The following TMTC2 variants were observed in gnomAD, a reference collection of about 807,000 sequenced individuals.
The protein encoded by TMTC2 is transmembrane O-mannosyltransferase targeting cadherins 2.
TMTC2 carries 43 observed loss-of-function variants against 82.4 expected under a neutral mutation model. That is an observed-to-expected ratio of 0.52 (90% CI 0.41 to 0.67). The LOEUF is 0.67. Among genes scored for constraint, TMTC2 ranks in the 30% least tolerant of loss-of-function variants. TMTC2 has a pLI of 0.00. For synonymous variants in TMTC2, 408 were observed against 381.9 expected (o/e 1.07, Z -0.80); for missense variants, 919 against 1,012.4 (o/e 0.91, Z 1.25).
intron 2 of TMTC2, among the ~76,000 whole-genome samples, chr12:82,863,101 A>G (rs1871631868): frequency 1.3e-5 from 2 of 152,006 alleles, no homozygotes; most frequent in African/African-American, 4.8e-5. Context: ...ATCTGTTATC[A>G]TTTATGGCAT....
chr12:82,827,567 T>G (rs1168585728), intron 1 of TMTC2, among the ~76,000 whole-genome samples: 1 of 152,200 alleles, frequency 6.6e-6, no homozygotes, highest in African/African-American at 2.4e-5. Flanking sequence ...AGATCGAAGA[T>G]CTAGAGTTTT....
chr12:83,075,863 A>T (rs1472002690), intron 11 of TMTC2, among the ~76,000 whole-genome samples: 1 of 152,234 alleles, frequency 6.6e-6, no homozygotes, highest in Non-Finnish European at 1.5e-5. Flanking sequence ...ACAGGTTACA[A>T]GTCTAGCTTG....
At chr12:83,043,792 G>A (rs1376667209) in intron 9 of TMTC2, among the ~76,000 whole-genome samples, 2 of 152,116 alleles carry the variant, frequency 1.3e-5, no homozygotes, top group South Asian at 2.1e-4. Context: ...AATTTGGGGG[G>A]TATATTAACC....
At chr12:82,807,221 C>A (rs1461110137) in intron 1 of TMTC2, among the ~76,000 whole-genome samples, 3 of 151,976 alleles carry the variant, frequency 2.0e-5, no homozygotes, top group African/African-American at 7.2e-5. Flanking sequence ...AGGGATTTAC[C>A]CAGGGTTCCT....
intron 8 of TMTC2, among the ~76,000 whole-genome samples, chr12:82,995,100 T>C (rs777750242): frequency 6.6e-6 from 1 of 152,206 alleles, no homozygotes; most frequent in Non-Finnish European, 1.5e-5. Context: ...AACTTTTTAG[T>C]TTATGCTTTA....
At chr12:82,965,452 T>G (rs1279456599) in intron 5 of TMTC2, 108 bp from the exon 6 acceptor site, 2 of 1,228,336 alleles carry the variant, frequency 1.6e-6, no homozygotes, top group East Asian at 2.5e-5. Flanking sequence ...ATTTTTTTCT[T>G]TTTTAATGAG....
At chr12:82,699,543 T>C (rs1872972283) in intron 1 of TMTC2, among the ~76,000 whole-genome samples, 1 of 152,154 alleles carries the variant, frequency 6.6e-6, no homozygotes. Flanking sequence ...AGAGTAGTTC[T>C]GGCAGTGTGG....
At chr12:83,095,365 C>T (rs1343369150) in intron 11 of TMTC2, among the ~76,000 whole-genome samples, 2 of 151,850 alleles carry the variant, frequency 1.3e-5, no homozygotes, top group Admixed American at 6.6e-5. Flanking sequence ...CTCAGCCTCC[C>T]AAGTAGCTGG....
rs141250056 is a variant in TMTC2, at chr12:82,976,498, G to T, written c.1949-9427G>T. Among the ~76,000 whole-genome samples the T allele has an allele frequency of 2.9e-3, 445 of 151,992 alleles. 1 individual carries two copies. Among genetic ancestry groups the T allele is most frequent in the African/African-American group, 0.01 (424 of 41,468 alleles). Reference sequence around the variant, plus strand: ...TTTCCCCTTAAGTTTAATGCTATAGGACTTGAAGAGTTGTATATTGAATCT... The same window carrying T: ...TTTCCCCTTAAGTTTAATGCTATAGTACTTGAAGAGTTGTATATTGAATCT... On this transcript the variant is annotated intron_variant, in intron 7 of 11. Coordinates refer to ENST00000321196, the MANE Select transcript of TMTC2 (RefSeq NM_152588.3).
At chr12:83,080,036 TTA>T (rs1883410800) in intron 11 of TMTC2, among the ~76,000 whole-genome samples, 1 of 152,200 alleles carries the variant, frequency 6.6e-6, no homozygotes, top group East Asian at 1.9e-4. Context: ...GTGCGTGTGC[TTA>T]GTTTTCCCTT....
chr12:82,763,408 G>A (rs1876763044), intron 1 of TMTC2, among the ~76,000 whole-genome samples: 1 of 152,208 alleles, frequency 6.6e-6, no homozygotes, highest in African/African-American at 2.4e-5. Flanking sequence ...CAAGTGGGGA[G>A]AGTGCTATCC....
intron 3 of TMTC2, among the ~76,000 whole-genome samples, chr12:82,920,400 C>G (rs1444606676): frequency 6.6e-6 from 1 of 152,136 alleles, no homozygotes; most frequent in Non-Finnish European, 1.5e-5. Context: ...AGAGGGACCT[C>G]ACATTTGATT....
chr12:82,794,131 T>C (rs772302852), intron 1 of TMTC2, among the ~76,000 whole-genome samples: 1 of 152,090 alleles, frequency 6.6e-6, no homozygotes, highest in East Asian at 1.9e-4. Flanking sequence ...AGGGCACATG[T>C]GACTTGGTCC....
chr12:82,982,455 A>G (rs1403638498), intron 7 of TMTC2, among the ~76,000 whole-genome samples: 1 of 122,814 alleles, frequency 8.1e-6, no homozygotes, highest in Non-Finnish European at 1.8e-5. Context: ...TTTTTTTTGC[A>G]TTTTAGGTTT....
intron 2 of TMTC2, among the ~76,000 whole-genome samples, chr12:82,862,702 T>C (rs1000055015): frequency 2.1e-4 from 32 of 152,126 alleles, no homozygotes; most frequent in African/African-American, 6.8e-4. Context: ...ATAATTTTCT[T>C]GTTTTAATGC....
intron 3 of TMTC2, among the ~76,000 whole-genome samples, chr12:82,922,385 G>A (rs1323875494): frequency 3.3e-5 from 5 of 152,120 alleles, no homozygotes. Flanking sequence ...AAGGTTAAGT[G>A]TATGTTAAAA....
chr12:82,779,921 T>A (rs1489502723), intron 1 of TMTC2, among the ~76,000 whole-genome samples: 1 of 151,984 alleles, frequency 6.6e-6, no homozygotes, highest in Non-Finnish European at 1.5e-5. Flanking sequence ...GCCATAGTTC[T>A]CATGATGTTA....
intron 7 of TMTC2, among the ~76,000 whole-genome samples, chr12:82,977,144 A>T (rs2137322425): frequency 6.6e-6 from 1 of 152,178 alleles, no homozygotes; most frequent in South Asian, 2.1e-4. Context: ...AGAATTGAAT[A>T]CTATTCTCGA....
At chr12:82,743,738 C>T (rs1875536304) in intron 1 of TMTC2, among the ~76,000 whole-genome samples, 1 of 152,150 alleles carries the variant, frequency 6.6e-6, no homozygotes, top group Admixed American at 6.5e-5. Flanking sequence ...AATGCAAGCC[C>T]TGTTTAACAA....
Sources: allele counts gnomAD v4.1 joint callset (sites outside exome capture counted in the v4.1 genomes callset), GRCh38; gene constraint gnomAD v4.1.1; transcripts MANE v1.5; gene names NCBI Gene and HGNC (gene_info 2026-07-23, HGNC 2026-07-21).